The following LHX3 variants were observed in gnomAD, a reference collection of about 807,000 sequenced individuals.
LHX3 encodes the protein LIM/homeobox protein Lhx3.
In LHX3, 21 loss-of-function variants were observed where a neutral mutation model predicts 32.4. That is an observed-to-expected ratio of 0.65 (90% CI 0.46 to 0.93). The LOEUF is 0.93. LHX3 is among the 40% of genes least tolerant of loss of function. LHX3 has a pLI of 0.00. For missense variants in LHX3, 626 were observed against 560.0 expected (o/e 1.12, Z -1.19); for synonymous variants, 258 against 246.8 (o/e 1.05, Z -0.43).
intron 1 of LHX3, among the ~76,000 whole-genome samples, chr9:136,204,106 C>T (rs981756756): frequency 1.3e-4 from 20 of 152,230 alleles, no homozygotes; most frequent in Admixed American, 1.3e-3. Context: ...GGTCCCTCTC[C>T]CTGTGGGTCT....
Position 136,197,508 on chromosome 9 carries a change from C to T in LHX3, c.1011G>A (p.Leu337=). The change falls in exon 6 of 6, where the codon CTG becomes CTA. Residue 337 remains leucine, a synonymous_variant. Transcript: ENST00000371748. ...LPGPQPLLSS[L]VYPDTSLGLV... The stretch of plus-strand genomic sequence containing the variant: ...GGCCCAAGCTGGTGTCTGGGTACAC[C>T]AGGCTGGAGAGGAGGGGCTGGGGGC... 6.5e-7 allele frequency: 1 copy of T among 1,542,448 alleles called. No individual in the cohort carries two copies. The highest frequency in any genetic ancestry group is 1.2e-5 in the South Asian group (1 of 83,788).
Position 136,197,259 on chromosome 9 carries a change from C to A in LHX3, c.*66G>T. ...GGCCCCACTTCCTCGGAAACCCCAG[C>A]AGCCCCGAGCCGCCCACCCAGGGGC... On this transcript the variant is annotated 3_prime_UTR_variant, in exon 6 of 6. Transcript: ENST00000371748. 1 of 1,560,522 alleles carries A rather than the reference C, an allele frequency of 6.4e-7. No homozygotes were observed. The highest frequency in any genetic ancestry group is 1.1e-5 in the South Asian group (1 of 88,260).
chr9:136,202,956 G>A lies in LHX3; in HGVS notation c.79+1978C>T, dbSNP rs1049359885. On this transcript the variant is annotated intron_variant, in intron 1 of 5. Coordinates refer to ENST00000371748, the MANE Select transcript of LHX3 (RefSeq NM_178138.6). ...GGCCCGGGCACCCACCTCGGCGCAG[G>A]TCCGCCCTCCGCGCCAGCAGTGCTA... 9 of 1,532,190 alleles carry A rather than the reference G, an allele frequency of 5.9e-6. 1 individual carries two copies. In the South Asian group the frequency reaches 1.1e-4, roughly 18 times the overall value. 94.9% of individuals were successfully genotyped at this position (1,532,190 alleles called of 1,614,324 possible). A position where few individuals can be genotyped will look rare whatever the true frequency, so the allele number is the denominator to read the frequency against.
In LHX3 at chr9:136,199,817, G is replaced by A. The variant is rs2131034679; in HGVS notation, c.315C>T (p.Arg105=). The change falls in exon 3 of 6, where the codon CGC becomes CGT. Residue 105 remains arginine (R), a synonymous_variant. Coordinates refer to ENST00000371748, the MANE Select transcript of LHX3 (RefSeq NM_178138.6). The part of the protein sequence containing the change: ...LGIPPTQVVR[R]AQDFVYHLHC... The stretch of plus-strand genomic sequence containing the variant: ...GCAGGTGGTACACGAAGTCCTGGGC[G>A]CGGCGCACCACCTGCGTGGGCGGGA... 2 of 1,611,494 alleles carry A rather than the reference G, an allele frequency of 1.2e-6. No individual in the cohort carries two copies. The highest frequency in any genetic ancestry group is 2.2e-5 in the South Asian group (2 of 90,878).
In LHX3 at chr9:136,198,731, C is replaced by A; in HGVS notation, c.696G>T (p.Lys232Asn). 6.2e-7 allele frequency: 1 copy of A among 1,611,656 alleles called. No individual in the cohort carries two copies. Among genetic ancestry groups the A allele is most frequent in the Non-Finnish European group, 8.5e-7 (1 of 1,179,834 alleles). ...QRWGQYFRNMKRSRGGSKSDK... is the reference protein window; with the variant it reads ...QRWGQYFRNMNRSRGGSKSDK... Reference sequence around the variant, plus strand: ...CCGACTTGGAGCCGCCGCGGGAGCGCTTCATGTTGCGGAAATACTGCCCCC... The same window carrying A: ...CCGACTTGGAGCCGCCGCGGGAGCGATTCATGTTGCGGAAATACTGCCCCC... Residue 232 changes from lysine (K) to asparagine (N), a missense_variant, in exon 5 of 6, where the codon AAG (lysine) becomes AAT (asparagine). By Grantham distance (94) the Lys-to-Asn change is moderately conservative. Coordinates refer to ENST00000371748, the MANE Select transcript of LHX3 (RefSeq NM_178138.6).
At position 136,197,737 on chromosome 9, in the gene LHX3, G is replaced by A; in HGVS notation, c.782C>T (p.Pro261Leu). 1.2e-6 allele frequency: 2 copies of A among 1,601,618 alleles called. No homozygotes were observed. Among genetic ancestry groups the A allele is most frequent in the Non-Finnish European group, 1.7e-6 (2 of 1,179,746 alleles). The change falls in exon 6 of 6, where the codon CCT becomes CTT. Residue 261 changes from proline to leucine, a missense_variant. Pro to Leu is a moderately conservative substitution (Grantham distance 98, BLOSUM62 -3). Transcript: ENST00000371748. The stretch of plus-strand genomic sequence containing the variant: ...GGCCGGGCCCATTTCCGCCAAGGAA[G>A]GCTCATCTGCAACAGAAGCAGAGGC... ...SDAEVSFPDE[P>L]SLAEMGPANG...
intron 1 of LHX3, chr9:136,201,245 C>T (rs983700328): frequency 7.9e-7 from 1 of 1,268,914 alleles, no homozygotes; most frequent in Non-Finnish European, 9.9e-7. Context: ...GCAAATGTGG[C>T]TGCCCTGCCT....
Position 136,197,152 on chromosome 9 carries a change from G to A in LHX3, c.*173C>T, listed in dbSNP as rs1831509344. 15 of 691,354 alleles carry A rather than the reference G, an allele frequency of 2.2e-5. 2 individuals carry two copies. Among genetic ancestry groups the A allele is most frequent in the South Asian group, 2.0e-4 (11 of 55,412 alleles). The allele number at this position is 691,354 out of a possible 1,614,324, so 42.8% of individuals were successfully genotyped here. On this transcript the variant is annotated 3_prime_UTR_variant, in exon 6 of 6. Coordinates refer to ENST00000371748, the MANE Select transcript of LHX3 (RefSeq NM_178138.6). ...AGCCCTGTGTCAGAGGAGGGGCCAG[G>A]TGGGTCCCTCAGCCCCCAGAGAGGG...
chr9:136,198,627 C>G, intron 5 of LHX3, 25 bp downstream of exon 5: 10 of 1,561,038 alleles, frequency 6.4e-6, no homozygotes, highest in Non-Finnish European at 7.8e-6. Context: ...CGTCCCCCCC[C>G]GAGCTCCGCG....
chr9:136,198,796 T>G lies in LHX3; in HGVS notation c.631A>C (p.Lys211Gln). 3 of 1,608,972 alleles carry G rather than the reference T, an allele frequency of 1.9e-6. No homozygotes were observed. The highest frequency in any genetic ancestry group is 2.5e-6 in the Non-Finnish European group (3 of 1,178,930). Residue 211 changes from lysine to glutamine, a missense_variant, in exon 5 of 6, where the codon AAG becomes CAG. By Grantham distance (53) the Lys-to-Gln change is moderately conservative. Transcript: ENST00000371748. ...VQVWFQNRRA[K>Q]EKRLKKDAGR... is the part of the protein sequence containing the mutation. ...GCGTCCTTCTTCAGCCTCTTCTCCT[T>G]GGCCCGGCGGTTCTGGAACCAAACC... is the stretch of plus-strand genomic sequence containing the variant.
intron 3 of LHX3, among the ~76,000 whole-genome samples, chr9:136,199,461 AGCC>A (rs894634793): frequency 6.6e-6 from 1 of 152,214 alleles, no homozygotes; most frequent in Non-Finnish European, 1.5e-5. Context: ...AGGGGCGAAA[AGCC>A]GCACACTTCG....
rs530214590 is a variant in LHX3 at position 136,201,569 on chromosome 9, A to C, written c.80-816T>G. The C allele has an allele frequency of 3.8e-6, 4 of 1,054,458 alleles. No homozygotes were observed. The African/African-American group carries it at 6.7e-5, about 18-fold the overall frequency. The allele number at this position is 1,054,458 out of a possible 1,614,324, so 65.3% of individuals were successfully genotyped here. A position where few individuals can be genotyped will look rare whatever the true frequency, so the allele number is the denominator to read the frequency against. ...TGAGGACTCCCTCTTCACTTAGAAAAAGTCTCTGGAAGAGAGGAGTGCCCG... is the reference window on the plus strand; with the variant it reads ...TGAGGACTCCCTCTTCACTTAGAAACAGTCTCTGGAAGAGAGGAGTGCCCG... On this transcript the variant is annotated intron_variant, in intron 1 of 5. Transcript: ENST00000371748.
chr9:136,198,006 C>T (rs1831539675), intron 5 of LHX3, among the ~76,000 whole-genome samples: 3 of 152,188 alleles, frequency 2.0e-5, no homozygotes. Context: ...GCTTTCAGGA[C>T]CAGCCCCACA....
chr9:136,197,829 G>A, intron 5 of LHX3, 86 bp from the exon 6 acceptor site: 2 of 1,460,136 alleles, frequency 1.4e-6, no homozygotes, highest in Non-Finnish European at 1.9e-6. Context: ...GGCACCCCTG[G>A]GTCGGAGAAA....
At position 136,198,656 on chromosome 9, in the gene LHX3, G is replaced by A. The variant is rs1345985845; in HGVS notation, c.771C>T (p.Phe257=). 1 of 1,595,240 alleles carries A rather than the reference G, an allele frequency of 6.3e-7. No individual in the cohort carries two copies. The highest frequency in any genetic ancestry group is 1.7e-5 in the Admixed American group (1 of 58,010). Residue 257 remains phenylalanine (F), a synonymous_variant, in exon 5 of 6, where the codon TTC becomes TTT. Coordinates refer to ENST00000371748, the MANE Select transcript of LHX3 (RefSeq NM_178138.6). The part of the protein sequence containing the change: ...EGQDSDAEVS[F]PDEPSLAEMG... ...CTCCGCGATCCCTCCGCCTACCGGG[G>A]AAGGAGACCTCAGCGTCGCTGTCCT... is the stretch of plus-strand genomic sequence containing the variant.
Position 136,200,619 on chromosome 9 carries a change from G to C in LHX3, c.214C>G (p.Arg72Gly), listed in dbSNP as rs774533927. 1.2e-6 allele frequency: 2 copies of C among 1,613,608 alleles called. No individual in the cohort carries two copies. The highest frequency in any genetic ancestry group is 8.5e-7 in the Non-Finnish European group (1 of 1,180,028). The change falls in exon 2 of 6, where the codon CGA becomes GGA. Residue 72 changes from arginine to glycine, a missense_variant. Coordinates refer to ENST00000371748, the MANE Select transcript of LHX3 (RefSeq NM_178138.6). ...TCCTTGCAGTAAACGCTCTCCCCTC[G>C]GCTGAAGCAGCGCTCGGCCAGTGGC... is the stretch of plus-strand genomic sequence containing the variant. Reference protein sequence around the residue: ...HTPLAERCFSRGESVYCKDDF... With the variant: ...HTPLAERCFSGGESVYCKDDF...
chr9:136,200,524 A>G, intron 2 of LHX3, 58 bp downstream of exon 2: 1 of 1,552,236 alleles, frequency 6.4e-7, no homozygotes, highest in Non-Finnish European at 8.8e-7. Flanking sequence ...TGAGGGGAGG[A>G]GTCCCTGGGG....
chr9:136,199,751 C>T lies in LHX3; in HGVS notation c.381G>A (p.Thr127=), dbSNP rs777933526. ...ACVVCKRQLA[T]GDEFYLMEDS... is the part of the protein sequence containing the mutation. ...CCTCCATGAGGTAGAACTCGTCGCC[C>T]GTGGCCAGCTGCCGCTTGCACACGA... Residue 127 remains threonine, a synonymous_variant, in exon 3 of 6, where the codon ACG becomes ACA. Coordinates refer to ENST00000371748, the MANE Select transcript of LHX3 (RefSeq NM_178138.6). 3 of 1,612,724 alleles carry T rather than the reference C, an allele frequency of 1.9e-6. No homozygotes were observed. The highest frequency in any genetic ancestry group is 1.1e-5 in the South Asian group (1 of 91,086).
At position 136,200,722 on chromosome 9, in the gene LHX3, G is replaced by A; in HGVS notation, c.111C>T (p.His37=). The change falls in exon 2 of 6, where the codon CAC becomes CAT. Residue 37 remains histidine (H), a synonymous_variant. Transcript: ENST00000371748. ...CCTTGAGGATGAAGCGGTCCAGGAT[G>A]TGCTGGTCACAGCCAGCGCACAGCG... is the stretch of plus-strand genomic sequence containing the variant. ...EIPLCAGCDQ[H]ILDRFILKAL... 6.2e-7 allele frequency: 1 copy of A among 1,613,542 alleles called. No homozygotes were observed. Among genetic ancestry groups the A allele is most frequent in the African/African-American group, 1.3e-5 (1 of 75,068 alleles).
Sources: gnomAD v4.1 joint callset for allele counts (sites outside exome capture counted in the v4.1 genomes callset) on GRCh38, gnomAD v4.1.1 for gene constraint, MANE v1.5 for transcripts, NCBI Gene and HGNC (gene_info 2026-07-23, HGNC 2026-07-21) for gene names.